AOX1: variants seen among roughly 807,000 people sequenced by gnomAD.
AOX1 encodes aldehyde oxidase 1, also known as aldehyde oxidase.
In AOX1, 153 loss-of-function variants were observed where a neutral mutation model predicts 169.5. That is an observed-to-expected ratio of 0.90 (90% CI 0.79 to 1.03). The LOEUF (loss-of-function observed/expected upper bound fraction) is 1.03. Among genes scored for constraint, AOX1 ranks in the 50% least tolerant of loss-of-function variants. The probability of loss-of-function intolerance (pLI) is 0.00; values close to 1 mark genes in which losing one functional copy is unlikely to be tolerated. For synonymous variants in AOX1, 562 were observed against 581.9 expected, an observed-to-expected ratio of 0.97 and a Z score of 0.49; for missense variants, 1,656 against 1,663.9, an observed-to-expected ratio of 1.00 and a Z score of 0.08.
chr2:200,677,193 G>T (rs985479681), downstream of AOX1: 4 of 238,706 alleles, frequency 1.7e-5, no homozygotes, highest in Non-Finnish European at 3.4e-5. Flanking sequence ...TAGTCCTTAG[G>T]GTTCTTAGGG....
rs1392121872 is a variant in AOX1 at position 200,662,828 on chromosome 2, CTT to C, written c.3429-26_3429-25del. 1.9e-6 allele frequency: 3 copies of C among 1,592,230 alleles called. No homozygotes were observed. In the African/African-American group the frequency reaches 4.0e-5, roughly 21 times the overall value. Reference sequence around the variant, plus strand: ...GGTCTGCAATTAGGGGACGTGATCACTTAACAACACTCACTGTTTCTTCCAGA... The same window carrying C: ...GGTCTGCAATTAGGGGACGTGATCACAACAACACTCACTGTTTCTTCCAGA... On this transcript the variant is annotated intron_variant, in intron 30 of 34. Coordinates refer to ENST00000374700, the MANE Select transcript of AOX1 (RefSeq NM_001159.4).
At chr2:200,586,252 T>A (rs550128286) in intron 1 of AOX1, 99 bp downstream of exon 1, 1 of 1,294,200 alleles carries the variant, frequency 7.7e-7, no homozygotes, top group Non-Finnish European at 1.0e-6. Flanking sequence ...GCCCGCCGTT[T>A]AAGGCACTCA....
intron 25 of AOX1, among the ~76,000 whole-genome samples, chr2:200,643,409 A>ATG (rs1279125669): frequency 1.3e-5 from 2 of 151,626 alleles, no homozygotes; most frequent in African/African-American, 4.8e-5. Flanking sequence ...ATATATATAT[A>ATG]TATACATACA....
intron 31 of AOX1, among the ~76,000 whole-genome samples, chr2:200,664,277 C>G (rs2035886001): frequency 6.6e-6 from 1 of 152,184 alleles, no homozygotes; most frequent in Non-Finnish European, 1.5e-5. Context: ...GGCTGCGCCA[C>G]CACACCCAGC....
At position 200,586,037 on chromosome 2, in the gene AOX1, G is replaced by T; in HGVS notation, c.-72G>T. ...CCACTCGGCGGGTCGGTGCCGCCGG[G>T]TCCCAGGTGCCCGCTACTTCCCAGA... On this transcript the variant is annotated 5_prime_UTR_variant, in exon 1 of 35. Transcript: ENST00000374700. 1.3e-6 allele frequency: 2 copies of T among 1,529,018 alleles called. No individual in the cohort carries two copies. Among genetic ancestry groups the T allele is most frequent in the Non-Finnish European group, 1.8e-6 (2 of 1,133,310 alleles). The allele number at this position is 1,529,018 out of a possible 1,614,324, so 94.7% of individuals were successfully genotyped here.
At chr2:200,604,987 C>T in intron 9 of AOX1, 147 bp downstream of exon 9, 1 of 711,346 alleles carries the variant, frequency 1.4e-6, no homozygotes, top group Non-Finnish European at 2.3e-6. Flanking sequence ...GCTAGACTTC[C>T]TGAGCATTGC....
Position 200,642,816 on chromosome 2 carries a change from G to C in AOX1, c.2847+15G>C. 1 of 1,603,356 alleles carries C rather than the reference G, an allele frequency of 6.2e-7. No individual in the cohort carries two copies. The highest frequency in any genetic ancestry group is 2.3e-5 in the East Asian group (1 of 44,408). On this transcript the variant is annotated intron_variant, in intron 25 of 34. Transcript: ENST00000374700. ...CCCCTGAGAAGGTAATACTAAATCA[G>C]CTTCACAGACAAAACATGTGGAATG...
intron 7 of AOX1, 148 bp downstream of exon 7, chr2:200,603,504 A>T (rs2034455232): frequency 9.4e-6 from 5 of 530,958 alleles, no homozygotes; most frequent in South Asian, 2.8e-5. Context: ...ATCTCTCTAT[A>T]AAAAAAAATT....
intron 3 of AOX1, among the ~76,000 whole-genome samples, chr2:200,597,081 C>T (rs370038764): frequency 6.6e-6 from 1 of 152,094 alleles, no homozygotes; most frequent in Admixed American, 6.6e-5. Context: ...AATGTCAACC[C>T]CTCATTCAAG....
Position 200,671,413 on chromosome 2 carries a change from C to G in AOX1, c.*734C>G, listed in dbSNP as rs1334733479. The G allele has an allele frequency of 6.6e-6, 1 of 152,170 alleles. No homozygotes were observed. Among genetic ancestry groups the G allele is most frequent in the African/African-American group, 2.4e-5 (1 of 41,440 alleles). The allele number at this position is 152,170 out of a possible 1,614,324, so 9.4% of individuals were successfully genotyped here. A position where few individuals can be genotyped will look rare whatever the true frequency, so the allele number is the denominator to read the frequency against. ...TTAGTTTTTACCCTAACTACTCTGA[C>G]TTGATCATTTAACATTCTGTGTATG... On this transcript the variant is annotated 3_prime_UTR_variant, in exon 35 of 35. Coordinates refer to ENST00000374700, the MANE Select transcript of AOX1 (RefSeq NM_001159.4).
At chr2:200,641,054 A>G in intron 23 of AOX1, 44 bp from the exon 24 acceptor site, 1 of 1,460,034 alleles carries the variant, frequency 6.8e-7, no homozygotes, top group East Asian at 2.3e-5. Flanking sequence ...ATTTGGAGAG[A>G]CTTGGCCCCT....
At chr2:200,663,080 T>C (rs1327945848) in intron 31 of AOX1, 111 bp downstream of exon 31, 1 of 759,264 alleles carries the variant, frequency 1.3e-6, no homozygotes. Flanking sequence ...GCATTTGGCC[T>C]AAGGGTGATT....
Position 200,611,508 on chromosome 2 carries a change from CT to C in AOX1, c.1263+16del, listed in dbSNP as rs1156346835. ...ACTCAAGGAAGGTGAGAACATCCCA[CT>C]GTCAATTTCCCAGTTGCACCTGTGA... is the stretch of plus-strand genomic sequence containing the variant. On this transcript the variant is annotated intron_variant, in intron 13 of 34. Transcript: ENST00000374700. 1.2e-5 allele frequency: 19 copies of C among 1,522,624 alleles called. No homozygotes were observed. The highest frequency in any genetic ancestry group is 1.7e-5 in the Non-Finnish European group (19 of 1,096,940). The allele number at this position is 1,522,624 out of a possible 1,614,324, so 94.3% of individuals were successfully genotyped here.
At chr2:200,624,898 C>T (rs1162178592) in intron 19 of AOX1, among the ~76,000 whole-genome samples, 1 of 152,122 alleles carries the variant, frequency 6.6e-6, no homozygotes, top group Non-Finnish European at 1.5e-5. Flanking sequence ...ACAATATTAG[C>T]TTCACAGCAT....
At position 200,669,826 on chromosome 2, in the gene AOX1, G is replaced by T. The variant is rs889891242; in HGVS notation, c.3966+84G>T. Reference sequence around the variant, plus strand: ...GTTCTTGTGGTAAGTTTTCGTGAACGCACTGCTGTGGCTTTTCTTGCCAGA... The same window carrying T: ...GTTCTTGTGGTAAGTTTTCGTGAACTCACTGCTGTGGCTTTTCTTGCCAGA... On this transcript the variant is annotated intron_variant, in intron 34 of 34. Coordinates refer to ENST00000374700, the MANE Select transcript of AOX1 (RefSeq NM_001159.4). The T allele has an allele frequency of 2.8e-6, 4 of 1,426,372 alleles. No individual in the cohort carries two copies. In the East Asian group the frequency reaches 6.9e-5, roughly 24 times the overall value. The allele number at this position is 1,426,372 out of a possible 1,614,324, so 88.4% of individuals were successfully genotyped here.
rs572047563 is a variant in AOX1 at position 200,634,460 on chromosome 2, C to G, written c.2222-331C>G. On this transcript the variant is annotated intron_variant, in intron 20 of 34. Transcript: ENST00000374700. ...TCCTGCTGGTCCTAGAGCTGGAAGC[C>G]TCCGCATTCTCACATTCCTACGCCT... 1.6e-4 allele frequency among the ~76,000 whole-genome samples: 25 copies of G among 152,268 alleles called. No homozygotes were observed. In the South Asian group the frequency reaches 5.0e-3, roughly 30 times the overall value.
Position 200,616,062 on chromosome 2 carries a change from A to G in AOX1, c.1703A>G (p.Gln568Arg), listed in dbSNP as rs1231133563. Reference protein sequence around the residue: ...SKHHCSTLKYQNIGPKQHPED... With the variant: ...SKHHCSTLKYRNIGPKQHPED... Reference sequence around the variant, plus strand: ...CATCACTGCAGTACATTAAAGTACCAGGTGAGCGGTATTTCTTGTTTTTAA... The same window carrying G: ...CATCACTGCAGTACATTAAAGTACCGGGTGAGCGGTATTTCTTGTTTTTAA... Residue 568 changes from glutamine to arginine, a missense_variant and splice_region_variant, in exon 16 of 35, where the codon CAG becomes CGG. Transcript: ENST00000374700. 1 of 1,606,778 alleles carries G rather than the reference A, an allele frequency of 6.2e-7. No individual in the cohort carries two copies. Among genetic ancestry groups the G allele is most frequent in the Admixed American group, 1.7e-5 (1 of 59,972 alleles).
downstream of AOX1, among the ~76,000 whole-genome samples, chr2:200,676,136 T>G (rs759095117): frequency 2.0e-5 from 3 of 152,144 alleles, no homozygotes; most frequent in Non-Finnish European, 4.4e-5. Context: ...TTTTGCTTTA[T>G]ATACTTTTAT....
rs1347800996 is a variant in AOX1 at position 200,613,906 on chromosome 2, T to G, written c.1551T>G (p.Thr517=). The part of the protein sequence containing the change: ...APGGKVEFKR[T]LIISFLFKFY... Reference sequence around the variant, plus strand: ...GTGGGAAAGTGGAGTTCAAGAGGACTCTCATCATCAGCTTCCTCTTCAAGT... The same window carrying G: ...GTGGGAAAGTGGAGTTCAAGAGGACGCTCATCATCAGCTTCCTCTTCAAGT... Residue 517 remains threonine (T), a synonymous_variant, in exon 15 of 35, where the codon ACT becomes ACG. Coordinates refer to ENST00000374700, the MANE Select transcript of AOX1 (RefSeq NM_001159.4). The G allele has an allele frequency of 1.2e-6, 2 of 1,612,626 alleles. No individual in the cohort carries two copies. The highest frequency in any genetic ancestry group is 1.1e-5 in the South Asian group (1 of 91,012).
Sources: allele counts gnomAD v4.1 joint callset (sites outside exome capture counted in the v4.1 genomes callset), GRCh38; gene constraint gnomAD v4.1.1; transcripts MANE v1.5; gene names NCBI Gene and HGNC (gene_info 2026-07-23, HGNC 2026-07-21).